MYH11: variants seen among roughly 807,000 people sequenced by gnomAD.
The protein encoded by MYH11 is myosin heavy chain 11, also known as myosin-11.
A neutral mutation model predicts 246.6 loss-of-function variants in MYH11; 80 were observed. The ratio of observed to expected loss-of-function variants is 0.32; its 90% CI spans 0.27 to 0.39. MYH11 has a LOEUF of 0.39. Ranked by LOEUF, MYH11 falls within the 10% of genes least tolerant of loss-of-function variation. The pLI, the probability that MYH11 is intolerant of heterozygous loss-of-function variation, is 1.00. For missense variants in MYH11, 2,158 were observed against 2,546.8 expected, an observed-to-expected ratio of 0.85 and a Z score of 3.29; for synonymous variants, 1,071 against 1,015.5, an observed-to-expected ratio of 1.05 and a Z score of -1.04.
At chr16:15,842,879 A>G (rs550420695) in intron 1 of MYH11, among the ~76,000 whole-genome samples, 1 of 151,564 alleles carries the variant, frequency 6.6e-6, no homozygotes, top group African/African-American at 2.4e-5. Flanking sequence ...GACAACATGT[A>G]TTGTCCTAAG....
At chr16:15,826,587 C>CA (rs1157161167) in intron 2 of MYH11, among the ~76,000 whole-genome samples, 4 of 81,822 alleles carry the variant, frequency 4.9e-5, no homozygotes, top group African/African-American at 2.3e-4. Context: ...GACCTTGTCT[C>CA]AAAAAAGAAA....
chr16:15,736,086 A>G lies in MYH11; in HGVS notation c.3294-508T>C, dbSNP rs149355315. Among the ~76,000 whole-genome samples the G allele has an allele frequency of 5.3e-3, 800 of 152,332 alleles. 8 individuals carry two copies. The highest frequency in any genetic ancestry group is 0.018 in the African/African-American group (747 of 41,588). On this transcript the variant is annotated intron_variant, in intron 25 of 40. Coordinates refer to ENST00000300036, the MANE Select transcript of MYH11 (RefSeq NM_002474.3). ...CCAGAGATCAAGGTGGGCTGCAAGA[A>G]GCCCTGTTAAATGGCAGAATGCTGC...
intron 32 of MYH11, 104 bp from the exon 33 acceptor site, chr16:15,721,155 G>T: frequency 7.7e-7 from 1 of 1,292,574 alleles, no homozygotes; most frequent in Non-Finnish European, 1.1e-6. Flanking sequence ...AGGTGGCTTT[G>T]GCCTCCCACA....
At position 15,732,685 on chromosome 16, in the gene MYH11, G is replaced by A. The variant is rs201391947; in HGVS notation, c.3530C>T (p.Thr1177Met). The A allele has an allele frequency of 3.7e-5, 59 of 1,614,058 alleles. No individual in the cohort carries two copies. The highest frequency in any genetic ancestry group is 2.5e-4 in the Admixed American group (15 of 59,994). Residue 1177 changes from threonine to methionine, a missense_variant, in exon 27 of 41, where the codon ACG becomes ATG. Thr to Met is a moderately conservative substitution (Grantham distance 81, BLOSUM62 -1). Coordinates refer to ENST00000300036, the MANE Select transcript of MYH11 (RefSeq NM_002474.3). ...TTCATCCAGGGCCTTCTTCAGCACCGTCACCTCCTGCTCCCTCTTGGCCCT... is the reference window on the plus strand; with the variant it reads ...TTCATCCAGGGCCTTCTTCAGCACCATCACCTCCTGCTCCCTCTTGGCCCT... ...ELRAKREQEV[T>M]VLKKALDEET...
At position 15,725,649 on chromosome 16, in the gene MYH11, C is replaced by G. The variant is rs2040717680; in HGVS notation, c.3859-657G>C. The stretch of plus-strand genomic sequence containing the variant: ...CTGCTTATATGAGGGCGGCAAAAGC[C>G]CTGCTCTCAACTGCATGTGAGAAAA... On this transcript the variant is annotated intron_variant, in intron 28 of 40. Transcript: ENST00000300036. 1.0e-5 allele frequency: 4 copies of G among 400,114 alleles called. No homozygotes were observed. The South Asian group carries it at 3.8e-4, about 38-fold the overall frequency. The allele number at this position is 400,114 out of a possible 1,614,324, so 24.8% of individuals were successfully genotyped here.
chr16:15,750,084 G>A lies in MYH11; in HGVS notation c.2058+54C>T, dbSNP rs770055245. On this transcript the variant is annotated intron_variant, in intron 16 of 40. Transcript: ENST00000300036. This position sits in a 1 kb window ranked among gnomAD's most constrained non-coding sequence, Gnocchi z 4.3. ...AGGGCGCCCTGGGGACGCTGTGACC[G>A]CTTGGGACAGCCCTGGCTTCTGGGA... 151 of 1,606,752 alleles carry A rather than the reference G, an allele frequency of 9.4e-5. No homozygotes were observed. Among genetic ancestry groups the A allele is most frequent in the Non-Finnish European group, 1.2e-4 (136 of 1,174,946 alleles).
chr16:15,811,632 C>G (rs1424263031), intron 3 of MYH11, among the ~76,000 whole-genome samples: 1 of 151,938 alleles, frequency 6.6e-6, no homozygotes, highest in Non-Finnish European at 1.5e-5. Flanking sequence ...TGGGGAGCAG[C>G]CTCAGGGGAG....
intron 11 of MYH11, 99 bp downstream of exon 11, chr16:15,760,441 A>C: frequency 1.1e-6 from 1 of 951,210 alleles, no homozygotes; most frequent in Non-Finnish European, 1.7e-6. Context: ...CCATGGGTGA[A>C]TGGATTAATG....
intron 1 of MYH11, among the ~76,000 whole-genome samples, chr16:15,845,190 A>G (rs2044153851): frequency 6.6e-6 from 1 of 152,160 alleles, no homozygotes; most frequent in Non-Finnish European, 1.5e-5. Context: ...CTCTACACCA[A>G]GCTTGTCTAA....
intron 38 of MYH11, 98 bp from the exon 39 acceptor site, chr16:15,715,370 C>T: frequency 9.3e-7 from 1 of 1,080,250 alleles, no homozygotes; most frequent in Non-Finnish European, 1.4e-6. Context: ...CTTTCCTGAG[C>T]CCCGTATCTG....
At chr16:15,842,534 A>G (rs1440828132) in intron 1 of MYH11, among the ~76,000 whole-genome samples, 2 of 151,832 alleles carry the variant, frequency 1.3e-5, no homozygotes, top group African/African-American at 4.8e-5. Flanking sequence ...GGGCTGAGGT[A>G]GGAGGATTGC....
chr16:15,753,748 A>G (rs2041636242), intron 14 of MYH11, among the ~76,000 whole-genome samples: 1 of 152,168 alleles, frequency 6.6e-6, no homozygotes, highest in Non-Finnish European at 1.5e-5. Context: ...CCTAGTTTCC[A>G]TTCCATATTC....
intron 6 of MYH11, among the ~76,000 whole-genome samples, chr16:15,781,714 C>G (rs573633426): frequency 1.3e-5 from 2 of 152,316 alleles, no homozygotes; most frequent in East Asian, 3.9e-4. Flanking sequence ...TACCCCCTGC[C>G]TCACTTACTC....
rs79145803 is a variant in MYH11, at chr16:15,832,620, A to G, written c.345+5288T>C. 3.4e-3 allele frequency among the ~76,000 whole-genome samples: 521 copies of G among 152,320 alleles called. 6 individuals are homozygous for G. The highest frequency in any genetic ancestry group is 0.012 in the African/African-American group (493 of 41,568). On this transcript the variant is annotated intron_variant, in intron 2 of 40. Coordinates refer to ENST00000300036, the MANE Select transcript of MYH11 (RefSeq NM_002474.3). ...AAGTTAACTCAATTTAAAAACAAAA[A>G]TCACTCCTCTGTGTTAGCAGGTTGT... is the stretch of plus-strand genomic sequence containing the variant.
chr16:15,750,101 C>T lies in MYH11; in HGVS notation c.2058+37G>A, dbSNP rs28386940. On this transcript the variant is annotated intron_variant, in intron 16 of 40. Coordinates refer to ENST00000300036, the MANE Select transcript of MYH11 (RefSeq NM_002474.3). The surrounding 1 kb of genome is among the most constrained non-coding windows in gnomAD (Gnocchi z 4.3). The stretch of plus-strand genomic sequence containing the variant: ...CTGTGACCGCTTGGGACAGCCCTGG[C>T]TTCTGGGAGCCCCAGGGTCTGGGCG... 18,674 of 1,613,070 alleles carry T rather than the reference C, an allele frequency of 0.012. 1,650 individuals are homozygous for T. The African/African-American group carries it at 0.21, about 18-fold the overall frequency.
Position 15,748,163 on chromosome 16 carries a change from G to C in MYH11, c.2064C>G (p.Gly688=). ...CCAGCACCAGGAACGCATCCAGCTT[G>C]CCGGACTGCAAAGGTCAAAGAGGGC... ...CIIPNHEKRS[G]KLDAFLVLEQ... Residue 688 remains glycine (G), a synonymous_variant, in exon 17 of 41, where the codon GGC becomes GGG. Transcript: ENST00000300036. The C allele has an allele frequency of 1.2e-6, 2 of 1,613,736 alleles. No individual in the cohort carries two copies. The highest frequency in any genetic ancestry group is 1.7e-6 in the Non-Finnish European group (2 of 1,180,032).
intron 9 of MYH11, among the ~76,000 whole-genome samples, chr16:15,766,359 G>T (rs1279418153): frequency 7.2e-6 from 1 of 138,434 alleles, no homozygotes; most frequent in African/African-American, 2.7e-5. Flanking sequence ...GTGTGTGTGT[G>T]TGTGTGTGTG....
intron 3 of MYH11, among the ~76,000 whole-genome samples, chr16:15,820,425 G>A (rs1217627414): frequency 6.8e-6 from 1 of 146,776 alleles, no homozygotes; most frequent in Non-Finnish European, 1.5e-5. Context: ...AGTGAGCTGA[G>A]ATCACACCAT....
chr16:15,853,563 T>C (rs1285430917), intron 1 of MYH11, among the ~76,000 whole-genome samples: 3 of 152,224 alleles, frequency 2.0e-5, no homozygotes, highest in African/African-American at 7.2e-5. Context: ...GAGCAGCTTC[T>C]TCCTCTGTCC....
Sources: gnomAD v4.1 joint callset for allele counts (sites outside exome capture counted in the v4.1 genomes callset) on GRCh38, gnomAD v4.1.1 for gene constraint, Gnocchi (gnomAD v3.1) non-coding constraint, MANE v1.5 for transcripts, NCBI Gene and HGNC (gene_info 2026-07-23, HGNC 2026-07-21) for gene names.